XPO5: variants seen among roughly 807,000 people sequenced by gnomAD.
The protein encoded by XPO5 is exportin 5.
Under a neutral mutation model 160.6 loss-of-function variants are expected in XPO5, and 46 were observed. The ratio of observed to expected loss-of-function variants is 0.29; its 90% CI spans 0.23 to 0.37. The LOEUF (loss-of-function observed/expected upper bound fraction) is 0.37, where lower values mean the gene tolerates loss of function less well. Among genes scored for constraint, XPO5 ranks in the 10% least tolerant of loss-of-function variants. XPO5 has a pLI of 1.00. For missense variants in XPO5, 1,090 were observed against 1,463.9 expected (o/e 0.74, Z 4.17); for synonymous variants, 537 against 519.3 (o/e 1.03, Z -0.46).
At chr6:43,561,222 T>G (rs1762398094) in intron 9 of XPO5, among the ~76,000 whole-genome samples, 1 of 151,980 alleles carries the variant, frequency 6.6e-6, no homozygotes, top group African/African-American at 2.4e-5. Flanking sequence ...GCCTACTCAA[T>G]CATCATCATT....
chr6:43,562,238 C>T lies in XPO5; in HGVS notation c.1011+9G>A. On this transcript the variant is annotated intron_variant, in intron 9 of 31. Coordinates refer to ENST00000265351, the MANE Select transcript of XPO5 (RefSeq NM_020750.3). ...CTTGAAGCTCTCCAGAAAGCAAACA[C>T]TAGCTCACCAGCAATGCACACAGCT... The T allele has an allele frequency of 4.4e-6, 7 of 1,598,670 alleles. No individual in the cohort carries two copies. The highest frequency in any genetic ancestry group is 6.0e-6 in the Non-Finnish European group (7 of 1,172,662).
At chr6:43,529,660 G>GCCTGTAATT (rs1793836949) in intron 23 of XPO5, 2 of 163,156 alleles carry the variant, frequency 1.2e-5, no homozygotes, top group African/African-American at 4.8e-5. Context: ...GGTGGCTCAG[G>GCCTGTAATT]CCTGTAATTC....
At chr6:43,525,564 C>G in intron 28 of XPO5, 3 of 522,506 alleles carry the variant, frequency 5.7e-6, no homozygotes, top group East Asian at 3.2e-5. Context: ...AGGATGGAGA[C>G]AAAGCTCAGG....
chr6:43,539,569 G>A, intron 20 of XPO5: 1 of 1,365,180 alleles, frequency 7.3e-7, no homozygotes, highest in Non-Finnish European at 1.0e-6. Context: ...CGCGGCCTCA[G>A]CCCCGGCCCG....
intron 3 of XPO5, 135 bp downstream of exon 3, chr6:43,572,371 C>T: frequency 9.6e-6 from 8 of 831,382 alleles, no homozygotes; most frequent in Non-Finnish European, 1.6e-5. Flanking sequence ...GTCACTGTGC[C>T]TGGCCTAAAT....
chr6:43,564,217 T>C (rs1762570703), intron 8 of XPO5, among the ~76,000 whole-genome samples: 1 of 152,054 alleles, frequency 6.6e-6, no homozygotes, highest in South Asian at 2.1e-4. Context: ...CCAGCGTACC[T>C]GGCCCGCTAA....
chr6:43,545,180 T>C (rs541573586), intron 20 of XPO5, among the ~76,000 whole-genome samples: 12 of 152,090 alleles, frequency 7.9e-5, no homozygotes, highest in African/African-American at 2.9e-4. Flanking sequence ...GCCAAAATAT[T>C]GTCTATTTCC....
intron 9 of XPO5, 44 bp downstream of exon 9, chr6:43,562,203 C>T (rs974347438): frequency 1.3e-6 from 2 of 1,512,888 alleles, no homozygotes; most frequent in Non-Finnish European, 1.8e-6. Flanking sequence ...AAATGCTCTT[C>T]CCAAATGGGC....
At chr6:43,548,532 G>T in intron 17 of XPO5, 72 bp from the exon 18 acceptor site, 1 of 1,329,592 alleles carries the variant, frequency 7.5e-7, no homozygotes, top group East Asian at 2.6e-5. Context: ...CTTACTCAAG[G>T]AAGAAAGAAG....
In XPO5 at chr6:43,538,139, CTTTTTTTTT is replaced by C. The variant is rs1160662301; in HGVS notation, c.2343-4141_2343-4133del. Among the ~76,000 whole-genome samples the C allele has an allele frequency of 4.7e-3, 230 of 48,958 alleles. 2 individuals carry two copies. Among genetic ancestry groups the C allele is most frequent in the African/African-American group, 0.018 (217 of 12,130 alleles). The allele number at this position is 48,958 out of a possible 152,430, so 32.1% of individuals were successfully genotyped here. A position where few individuals can be genotyped will look rare whatever the true frequency, so the allele number is the denominator to read the frequency against. Reference sequence around the variant, plus strand: ...TATAAATTTAGAGCCTAAGAGACATCTTTTTTTTTTTTTTTTTTTTTTTTTTTTGAAACA... The same window carrying C: ...TATAAATTTAGAGCCTAAGAGACATCTTTTTTTTTTTTTTTTTTTGAAACA... On this transcript the variant is annotated intron_variant, in intron 20 of 31. Transcript: ENST00000265351.
At chr6:43,534,938 T>C (rs1269215496) in intron 20 of XPO5, among the ~76,000 whole-genome samples, 2 of 151,914 alleles carry the variant, frequency 1.3e-5, no homozygotes, top group Non-Finnish European at 2.9e-5. Flanking sequence ...GAGGTTGTGG[T>C]GAGCCGAGAT....
rs1795063237 is a variant in XPO5, at chr6:43,548,315, AG to A, written c.2005del (p.Leu669Ter). 6.2e-7 allele frequency: 1 copy of A among 1,613,380 alleles called. No individual in the cohort carries two copies. Among genetic ancestry groups the A allele is most frequent in the Non-Finnish European group, 8.5e-7 (1 of 1,179,600 alleles). On this transcript the variant is annotated frameshift_variant, in exon 18 of 32. Transcript: ENST00000265351. LOFTEE classifies it high-confidence loss of function. The part of the protein sequence containing the change: ...FKNYERQKVF[L>X]EELMAPVASI... ...GGCCACTGGTGCCATCAGCTCCTCT[AG>A]GAACACCTTCTGACGCTCGTAGTTC...
Position 43,573,488 on chromosome 6 carries a change from G to T in XPO5, c.219C>A (p.His73Gln). 6.2e-7 allele frequency: 1 copy of T among 1,613,200 alleles called. No homozygotes were observed. The highest frequency in any genetic ancestry group is 8.5e-7 in the Non-Finnish European group (1 of 1,179,398). ...VRHFGLQILEHVVKFRWNGMS... is the reference protein window; with the variant it reads ...VRHFGLQILEQVVKFRWNGMS... ...GTCCAAGAGCTCCTTACTTGACAACGTGTTCCAGGATCTGAAGGCCAAAAT... is the reference window on the plus strand; with the variant it reads ...GTCCAAGAGCTCCTTACTTGACAACTTGTTCCAGGATCTGAAGGCCAAAAT... Residue 73 changes from histidine to glutamine, a missense_variant, in exon 2 of 32, where the codon CAC becomes CAA. Coordinates refer to ENST00000265351, the MANE Select transcript of XPO5 (RefSeq NM_020750.3).
chr6:43,522,796 C>T lies in XPO5; in HGVS notation c.*1072G>A, dbSNP rs1793278268. 2 of 413,982 alleles carry T rather than the reference C, an allele frequency of 4.8e-6. No homozygotes were observed. The highest frequency in any genetic ancestry group is 5.1e-5 in the Admixed American group (2 of 39,440). 25.6% of individuals were successfully genotyped at this position (413,982 alleles called of 1,614,324 possible). On this transcript the variant is annotated 3_prime_UTR_variant, in exon 32 of 32. Transcript: ENST00000265351. ...CTGGTTTCTGTATGGATTAACTCTGCCTTACGGCCAGTAATAACCTCAGGG... is the reference window on the plus strand; with the variant it reads ...CTGGTTTCTGTATGGATTAACTCTGTCTTACGGCCAGTAATAACCTCAGGG...
Position 43,528,855 on chromosome 6 carries a change from G to A in XPO5, c.2748C>T (p.Leu916=), listed in dbSNP as rs764175153. 8.7e-6 allele frequency: 14 copies of A among 1,613,790 alleles called. No individual in the cohort carries two copies. The highest frequency in any genetic ancestry group is 1.3e-5 in the African/African-American group (1 of 74,914). The change falls in exon 24 of 32, where the codon CTC becomes CTT. Residue 916 remains leucine, a synonymous_variant. Coordinates refer to ENST00000265351, the MANE Select transcript of XPO5 (RefSeq NM_020750.3). The stretch of plus-strand genomic sequence containing the variant: ...TATGGAGGTAGGTGAAAAGAGGTCC[G>A]AGGATGGGGGATACCAGGGCTTCAT... ...EHYEALVSPI[L]GPLFTYLHMR...
Position 43,532,390 on chromosome 6 carries a change from G to A in XPO5, c.2444-815C>T, listed in dbSNP as rs762014434. On this transcript the variant is annotated intron_variant, in intron 21 of 31. Coordinates refer to ENST00000265351, the MANE Select transcript of XPO5 (RefSeq NM_020750.3). ...TGACCACAGCCGGGCTCAGACACAG[G>A]TTATAGCTGATGACAAAGACAAACT... Among the ~76,000 whole-genome samples, 4 of 152,182 alleles carry A rather than the reference G, an allele frequency of 2.6e-5. No homozygotes were observed. In the East Asian group the frequency reaches 5.8e-4, roughly 22 times the overall value.
At chr6:43,531,674 G>C in intron 21 of XPO5, 99 bp from the exon 22 acceptor site, 1 of 1,012,040 alleles carries the variant, frequency 9.9e-7, no homozygotes, top group Non-Finnish European at 1.6e-6. Flanking sequence ...GGGTGAAGAT[G>C]TGTGCATGTC....
At chr6:43,557,751 T>C (rs964062343) in intron 12 of XPO5, among the ~76,000 whole-genome samples, 2 of 137,986 alleles carry the variant, frequency 1.4e-5, no homozygotes, top group Non-Finnish European at 3.0e-5. Flanking sequence ...GGGTGAACTG[T>C]ATGGTAAATG....
Position 43,548,316 on chromosome 6 carries a change from G to A in XPO5, c.2005C>T (p.Leu669=). ...GCCACTGGTGCCATCAGCTCCTCTA[G>A]GAACACCTTCTGACGCTCGTAGTTC... ...FKNYERQKVF[L]EELMAPVASI... Residue 669 remains leucine, a synonymous_variant, in exon 18 of 32, where the codon CTA becomes TTA. Transcript: ENST00000265351. 6.2e-7 allele frequency: 1 copy of A among 1,613,394 alleles called. No homozygotes were observed. Among genetic ancestry groups the A allele is most frequent in the Non-Finnish European group, 8.5e-7 (1 of 1,179,536 alleles).
Sources: allele counts gnomAD v4.1 joint callset (sites outside exome capture counted in the v4.1 genomes callset), GRCh38; gene constraint gnomAD v4.1.1; transcripts MANE v1.5; gene names NCBI Gene and HGNC (gene_info 2026-07-23, HGNC 2026-07-21).